GSE1: variants seen among roughly 807,000 people sequenced by gnomAD.
The protein encoded by GSE1 is Gse1 coiled-coil protein.
GSE1 carries 32 observed loss-of-function variants against 112.6 expected under a neutral mutation model. The observed-to-expected ratio is 0.28, with a 90% confidence interval of 0.21 to 0.38. GSE1 has a LOEUF of 0.38. GSE1 is among the 10% of genes least tolerant of loss of function. The probability of loss-of-function intolerance (pLI) is 1.00; values close to 1 mark genes in which losing one functional copy is unlikely to be tolerated. For missense variants in GSE1, 2,348 were observed against 1,699.2 expected, an observed-to-expected ratio of 1.38 and a Z score of -6.71; for synonymous variants, 1,115 against 735.6, an observed-to-expected ratio of 1.52 and a Z score of -8.35.
At chr16:85,208,004 C>T (rs1434951819) in intron 1 of GSE1, 1 of 151,808 alleles carries the variant, frequency 6.6e-6, no homozygotes, top group African/African-American at 2.4e-5. Flanking sequence ...GATGAGGGTC[C>T]CTGGGGACAG....
chr16:85,212,222 A>G (rs1049687896), intron 1 of GSE1, among the ~76,000 whole-genome samples: 1 of 152,188 alleles, frequency 6.6e-6, no homozygotes, highest in African/African-American at 2.4e-5. Context: ...CCTGGCCAAC[A>G]TGGTAAAACC....
intron 2 of GSE1, among the ~76,000 whole-genome samples, chr16:85,383,058 C>T (rs117418865): frequency 0.061 from 8,939 of 147,232 alleles, 320 homozygotes; most frequent in Non-Finnish European, 0.079. Context: ...CATGCATGTG[C>T]GCACACACAC....
chr16:85,564,837 A>G (rs2045669482), intron 1 of GSE1, among the ~76,000 whole-genome samples: 1 of 152,076 alleles, frequency 6.6e-6, no homozygotes, highest in African/African-American at 2.4e-5. Flanking sequence ...CAGGCCAGAG[A>G]GATAGATGCA....
intron 2 of GSE1, among the ~76,000 whole-genome samples, chr16:85,635,356 G>A (rs1050496113): frequency 6.6e-6 from 1 of 152,204 alleles, no homozygotes; most frequent in Admixed American, 6.5e-5. Flanking sequence ...AGGACCGCCA[G>A]AAAACCCTCC....
rs780895265 is a variant in GSE1 at position 85,654,790 on chromosome 16, G to A, written c.600-4G>A. The A allele has an allele frequency of 6.2e-7, 1 of 1,605,438 alleles. No homozygotes were observed. The highest frequency in any genetic ancestry group is 1.1e-5 in the South Asian group (1 of 90,452). Reference sequence around the variant, plus strand: ...CCCACCTTGCCCACTATCCCCGCCTGCAGCCTCCAGCGGCCCGTGCACCAC... The same window carrying A: ...CCCACCTTGCCCACTATCCCCGCCTACAGCCTCCAGCGGCCCGTGCACCAC... On this transcript the variant is annotated splice_polypyrimidine_tract_variant and splice_region_variant and intron_variant, in intron 4 of 15. Coordinates refer to ENST00000253458, the MANE Select transcript of GSE1 (RefSeq NM_014615.5).
intron 1 of GSE1, among the ~76,000 whole-genome samples, chr16:85,245,380 G>A (rs1276003498): frequency 2.0e-5 from 3 of 152,158 alleles, no homozygotes; most frequent in Non-Finnish European, 2.9e-5. Flanking sequence ...AGGGAAGTTC[G>A]CTTGCTGTGT....
intron 2 of GSE1, among the ~76,000 whole-genome samples, chr16:85,513,632 C>T (rs2051820428): frequency 6.6e-6 from 1 of 152,212 alleles, no homozygotes; most frequent in Non-Finnish European, 1.5e-5. Flanking sequence ...CTGCTGCCTC[C>T]AGGCCTCACC....
intron 2 of GSE1, among the ~76,000 whole-genome samples, chr16:85,382,441 G>C (rs1417512897): frequency 6.6e-6 from 1 of 152,196 alleles, no homozygotes; most frequent in Non-Finnish European, 1.5e-5. Flanking sequence ...CGCTGCCCCT[G>C]CAATGTGCAG....
At chr16:85,581,144 G>C (rs1023099875) in intron 1 of GSE1, among the ~76,000 whole-genome samples, 4 of 152,302 alleles carry the variant, frequency 2.6e-5, no homozygotes, top group African/African-American at 9.6e-5. Flanking sequence ...TGTGTTGGGA[G>C]GGCATCCCAC....
rs528993372 is a variant in GSE1 at position 85,174,700 on chromosome 16, G to A, written c.2283+2893G>A. On this transcript the variant is annotated intron_variant, in intron 1 of 2. Transcript: ENST00000637419. ...GCCACTTCCAGCAGAGCAAAGTGCCGAGAAGTAGCCGAGCAGATTAAACTT... is the reference window on the plus strand; with the variant it reads ...GCCACTTCCAGCAGAGCAAAGTGCCAAGAAGTAGCCGAGCAGATTAAACTT... 3.9e-5 allele frequency among the ~76,000 whole-genome samples: 6 copies of A among 152,274 alleles called. No individual in the cohort carries two copies. The South Asian group carries it at 8.3e-4, about 21-fold the overall frequency.
intron 2 of GSE1, among the ~76,000 whole-genome samples, chr16:85,482,182 G>A (rs973072518): frequency 1.3e-5 from 2 of 152,318 alleles, no homozygotes; most frequent in South Asian, 2.1e-4. Context: ...AGTGCTGTCG[G>A]CTGGAGAAGA....
intron 1 of GSE1, among the ~76,000 whole-genome samples, chr16:85,322,981 C>A (rs956271534): frequency 4.9e-4 from 75 of 152,136 alleles, no homozygotes; most frequent in Admixed American, 4.7e-3. Flanking sequence ...TGGTGAGTGA[C>A]CCTGCGGGGA....
At chr16:85,247,007 AG>A (rs1164426209) in intron 1 of GSE1, among the ~76,000 whole-genome samples, 2 of 151,882 alleles carry the variant, frequency 1.3e-5, no homozygotes, top group Non-Finnish European at 2.9e-5. Context: ...GGGTCCCTAG[AG>A]GGGGGCACCG....
At chr16:85,415,161 A>G (rs1362057906) in intron 2 of GSE1, among the ~76,000 whole-genome samples, 1 of 152,142 alleles carries the variant, frequency 6.6e-6, no homozygotes, top group East Asian at 1.9e-4. Context: ...ACTGGTCTTG[A>G]ACCCCCGTAC....
intron 2 of GSE1, among the ~76,000 whole-genome samples, chr16:85,400,894 GGTCTGTGT>G (rs1172013795): frequency 5.9e-5 from 9 of 151,874 alleles, no homozygotes; most frequent in Admixed American, 5.9e-4. Flanking sequence ...TGTGATTGTG[GGTCTGTGT>G]GTCTGTGTGT....
intron 1 of GSE1, among the ~76,000 whole-genome samples, chr16:85,586,393 C>T (rs377609959): frequency 6.6e-6 from 1 of 152,224 alleles, no homozygotes; most frequent in South Asian, 2.1e-4. Context: ...TGCCGAGTGC[C>T]GGGAGGGACA....
intron 2 of GSE1, among the ~76,000 whole-genome samples, chr16:85,400,446 G>T (rs1162206119): frequency 6.6e-6 from 1 of 151,786 alleles, no homozygotes; most frequent in East Asian, 1.9e-4. Flanking sequence ...GCATGTGGTT[G>T]TATGTCCGTG....
At chr16:85,613,442 C>A (rs867132303) in intron 1 of GSE1, 44 bp downstream of exon 1, 2 of 1,515,418 alleles carry the variant, frequency 1.3e-6, no homozygotes, top group Non-Finnish European at 1.8e-6. Context: ...CTCCCCCCTC[C>A]CCCCACCGCA....
intron 1 of GSE1, among the ~76,000 whole-genome samples, chr16:85,589,086 C>A (rs2046844006): frequency 6.6e-6 from 1 of 152,150 alleles, no homozygotes; most frequent in African/African-American, 2.4e-5. Context: ...TTCCCGGGAT[C>A]CCCGTGTACC....
Sources: gnomAD v4.1 joint callset for allele counts (sites outside exome capture counted in the v4.1 genomes callset) on GRCh38, gnomAD v4.1.1 for gene constraint, MANE v1.5 for transcripts, NCBI Gene and HGNC (gene_info 2026-07-23, HGNC 2026-07-21) for gene names.